The following CEP128 variants were observed in gnomAD, a reference collection of about 807,000 sequenced individuals.
CEP128 encodes centrosomal protein 128kDa.
Under a neutral mutation model 156.7 loss-of-function variants are expected in CEP128, and 132 were observed. That is an observed-to-expected ratio of 0.84 (90% CI 0.73 to 0.97). The LOEUF (loss-of-function observed/expected upper bound fraction) is 0.97, where lower values mean the gene tolerates loss of function less well. CEP128 is among the 50% of genes least tolerant of loss of function. The probability of loss-of-function intolerance (pLI) is 0.00; values close to 1 mark genes in which losing one functional copy is unlikely to be tolerated. For missense variants in CEP128, 1,252 were observed against 1,281.9 expected (o/e 0.98, Z 0.36); for synonymous variants, 469 against 448.9 (o/e 1.04, Z -0.57).
chr14:80,651,789 T>C (rs1278501915), intron 19 of CEP128, among the ~76,000 whole-genome samples: 2 of 152,170 alleles, frequency 1.3e-5, no homozygotes, highest in Admixed American at 6.6e-5. Context: ...ACACTGTTTG[T>C]TATGATTTCC....
At chr14:80,640,712 G>T (rs576317734) in intron 19 of CEP128, among the ~76,000 whole-genome samples, 3 of 152,068 alleles carry the variant, frequency 2.0e-5, no homozygotes, top group East Asian at 3.9e-4. Context: ...ATATGAAAAC[G>T]GCTCTGACAA....
intron 16 of CEP128, among the ~76,000 whole-genome samples, chr14:80,776,518 C>A (rs1406582975): frequency 1.4e-5 from 2 of 147,284 alleles, no homozygotes; most frequent in Admixed American, 6.8e-5. Context: ...TTTTTTACTA[C>A]TCTATATATT....
chr14:80,933,849 C>T (rs990457870), intron 2 of CEP128, among the ~76,000 whole-genome samples: 1 of 152,142 alleles, frequency 6.6e-6, no homozygotes, highest in African/African-American at 2.4e-5. Context: ...AGCAGAAGCA[C>T]TGTGTATAAA....
chr14:80,514,115 G>T (rs142947052), intron 23 of CEP128, among the ~76,000 whole-genome samples: 2,641 of 152,216 alleles, frequency 0.017, 40 homozygotes, highest in Middle Eastern at 0.065. Context: ...TCAACCAATT[G>T]TCAACCAGAA....
chr14:80,571,033 T>C (rs1048607306), intron 20 of CEP128, among the ~76,000 whole-genome samples: 1 of 152,194 alleles, frequency 6.6e-6, no homozygotes, highest in Non-Finnish European at 1.5e-5. Context: ...TCCTTACTTA[T>C]CTGGGTCTGA....
intron 19 of CEP128, among the ~76,000 whole-genome samples, chr14:80,651,327 C>CT (rs1894895098): frequency 6.6e-6 from 1 of 152,034 alleles, no homozygotes; most frequent in Non-Finnish European, 1.5e-5. Flanking sequence ...ATTAATCTGG[C>CT]TAGCAGTCTA....
intron 23 of CEP128, among the ~76,000 whole-genome samples, chr14:80,508,636 T>G (rs1888099325): frequency 6.6e-6 from 1 of 152,234 alleles, no homozygotes; most frequent in African/African-American, 2.4e-5. Context: ...GTATTTAACA[T>G]AAATTCCTAG....
At chr14:80,820,218 C>CTA (rs1437771177) in intron 13 of CEP128, among the ~76,000 whole-genome samples, 1 of 152,154 alleles carries the variant, frequency 6.6e-6, no homozygotes, top group East Asian at 1.9e-4. Context: ...TCTGAAGAGT[C>CTA]TATATGCCTA....
intron 17 of CEP128, among the ~76,000 whole-genome samples, chr14:80,759,601 G>GA (rs1899850603): frequency 6.6e-6 from 1 of 151,728 alleles, no homozygotes; most frequent in African/African-American, 2.4e-5. Flanking sequence ...GGCCCACAAT[G>GA]AAAAAAATGT....
At chr14:80,511,747 C>T (rs758932029) in intron 23 of CEP128, among the ~76,000 whole-genome samples, 26 of 152,006 alleles carry the variant, frequency 1.7e-4, no homozygotes, top group Middle Eastern at 3.4e-3. Flanking sequence ...CTTTCCTCTT[C>T]GTACTGCTTT....
intron 18 of CEP128, among the ~76,000 whole-genome samples, chr14:80,746,244 T>C (rs1379106160): frequency 6.6e-6 from 1 of 152,178 alleles, no homozygotes; most frequent in Non-Finnish European, 1.5e-5. Flanking sequence ...CTATGTTTCA[T>C]ATGGGAATTC....
At chr14:80,546,894 A>T (rs1359157623) in intron 21 of CEP128, among the ~76,000 whole-genome samples, 2 of 152,236 alleles carry the variant, frequency 1.3e-5, no homozygotes, top group Admixed American at 1.3e-4. Flanking sequence ...GGCATATGAT[A>T]GGATGAAATC....
At chr14:80,801,488 T>C (rs1335326654) in intron 13 of CEP128, among the ~76,000 whole-genome samples, 2 of 152,126 alleles carry the variant, frequency 1.3e-5, no homozygotes, top group African/African-American at 2.4e-5. Flanking sequence ...GCTGCATTTA[T>C]TGAGAAGGAA....
At chr14:80,575,630 A>G (rs544587280) in intron 20 of CEP128, among the ~76,000 whole-genome samples, 1 of 152,292 alleles carries the variant, frequency 6.6e-6, no homozygotes, top group African/African-American at 2.4e-5. Context: ...ATCATGTCTG[A>G]CACATAGTAG....
chr14:80,815,249 G>A (rs937046135), intron 13 of CEP128, among the ~76,000 whole-genome samples: 2 of 152,102 alleles, frequency 1.3e-5, no homozygotes, highest in Non-Finnish European at 2.9e-5. Flanking sequence ...ATTAAAAAGT[G>A]GACAAAGAAC....
intron 21 of CEP128, among the ~76,000 whole-genome samples, chr14:80,539,424 T>C (rs749513789): frequency 1.2e-4 from 18 of 152,180 alleles, no homozygotes; most frequent in Non-Finnish European, 1.9e-4. Context: ...CAGAGGAGCA[T>C]AACTTGTGAA....
intron 13 of CEP128, among the ~76,000 whole-genome samples, chr14:80,828,123 CTTTTTTTTT>C (rs1008856396): frequency 7.9e-6 from 1 of 126,970 alleles, no homozygotes; most frequent in African/African-American, 3.1e-5. Context: ...CTTCTTTTTT[CTTTTTTTTT>C]TTTTTTTTTG....
intron 21 of CEP128, among the ~76,000 whole-genome samples, chr14:80,537,136 A>G (rs1889520570): frequency 6.6e-6 from 1 of 152,190 alleles, no homozygotes; most frequent in South Asian, 2.1e-4. Context: ...TGAGATACAG[A>G]AGGCTTTCTA....
At chr14:80,521,841 C>T (rs1888760330) in intron 23 of CEP128, among the ~76,000 whole-genome samples, 1 of 152,170 alleles carries the variant, frequency 6.6e-6, no homozygotes, top group South Asian at 2.1e-4. Context: ...AGTAGAAGGG[C>T]ATTTCCCAAA....
Sources: gnomAD v4.1 joint callset for allele counts (sites outside exome capture counted in the v4.1 genomes callset) on GRCh38, gnomAD v4.1.1 for gene constraint, MANE v1.5 for transcripts, NCBI Gene and HGNC (gene_info 2026-07-23, HGNC 2026-07-21) for gene names.